DLGAP2: variants seen among roughly 807,000 people sequenced by gnomAD.
DLGAP2 encodes the protein disks large-associated protein 2.
A neutral mutation model predicts 100.3 loss-of-function variants in DLGAP2; 26 were observed. The observed-to-expected ratio is 0.26, with a 90% CI of 0.19 to 0.36. The LOEUF is 0.36. Among genes scored for constraint, DLGAP2 ranks in the 10% least tolerant of loss-of-function variants. DLGAP2 has a pLI of 1.00. For synonymous variants in DLGAP2, 886 were observed against 630.1 expected (o/e 1.41, Z -6.08); for missense variants, 1,858 against 1,453.2 (o/e 1.28, Z -4.53).
At chr8:1,636,228 G>C (rs770256139) in intron 8 of DLGAP2, among the ~76,000 whole-genome samples, 2 of 152,138 alleles carry the variant, frequency 1.3e-5, no homozygotes, top group East Asian at 3.9e-4. Context: ...AAGGAAAATG[G>C]TGTAAAATTA....
chr8:946,482 C>G (rs1799327907), intron 2 of DLGAP2, among the ~76,000 whole-genome samples: 1 of 152,084 alleles, frequency 6.6e-6, no homozygotes, highest in South Asian at 2.1e-4. Context: ...CCAGGATGGT[C>G]TCGATCTCCT....
At chr8:1,253,777 T>A (rs974085093) in intron 2 of DLGAP2, among the ~76,000 whole-genome samples, 2 of 152,222 alleles carry the variant, frequency 1.3e-5, no homozygotes, top group Non-Finnish European at 2.9e-5. Context: ...TGATGATGAA[T>A]CCACAGTGTA....
At chr8:739,174 T>C (rs1261792154) in intron 1 of DLGAP2, 1 of 152,164 alleles carries the variant, frequency 6.6e-6, no homozygotes, top group Non-Finnish European at 1.5e-5. Context: ...GAACTGTAAA[T>C]ATTCTCCAAA....
At position 1,626,815 on chromosome 8, in the gene DLGAP2, G is replaced by C; in HGVS notation, c.1518G>C (p.Pro506=). The C allele has an allele frequency of 1.2e-6, 2 of 1,605,276 alleles. No homozygotes were observed. The highest frequency in any genetic ancestry group is 1.1e-5 in the South Asian group (1 of 88,594). Residue 506 remains proline (P), a synonymous_variant, in exon 7 of 15, where the codon CCG becomes CCC. Coordinates refer to ENST00000637795, the MANE Select transcript of DLGAP2 (RefSeq NM_001346810.2). ...ACCCCGCTGCGAACTACAACTCCCCGAAATTCCGCTCCCGGAACCAGAGCT... is the reference window on the plus strand; with the variant it reads ...ACCCCGCTGCGAACTACAACTCCCCCAAATTCCGCTCCCGGAACCAGAGCT... ...SLDPAANYNS[P]KFRSRNQSYM...
In DLGAP2 at chr8:1,026,630, A is replaced by G. The variant is rs116946640; in HGVS notation, c.73+118664A>G. 3.7e-4 allele frequency among the ~76,000 whole-genome samples: 56 copies of G among 152,372 alleles called. No individual in the cohort carries two copies. The East Asian group carries it at 0.011, about 29-fold the overall frequency. On this transcript the variant is annotated intron_variant, in intron 2 of 14. Coordinates refer to ENST00000637795, the MANE Select transcript of DLGAP2 (RefSeq NM_001346810.2). The stretch of plus-strand genomic sequence containing the variant: ...GGAAACTGACAAAATTCACAATAAT[A>G]GATGACAAGAAGTTATATTACTCTG...
At chr8:1,619,354 A>G (rs1239054164) in intron 6 of DLGAP2, among the ~76,000 whole-genome samples, 1 of 152,244 alleles carries the variant, frequency 6.6e-6, no homozygotes, top group African/African-American at 2.4e-5. Context: ...TGGAGGCCAC[A>G]GTCAACATCT....
intron 2 of DLGAP2, among the ~76,000 whole-genome samples, chr8:1,213,557 A>T (rs1675097473): frequency 6.6e-6 from 1 of 152,040 alleles, no homozygotes. Context: ...TATTCCTAAG[A>T]TTGCTGGGTA....
chr8:900,139 G>A (rs114071637), intron 1 of DLGAP2, among the ~76,000 whole-genome samples: 2,219 of 152,112 alleles, frequency 0.015, 55 homozygotes, highest in African/African-American at 0.05. Context: ...CTGGGTGGAC[G>A]GTGGTGCCCT....
intron 3 of DLGAP2, among the ~76,000 whole-genome samples, chr8:1,348,204 G>A (rs1303513249): frequency 6.6e-6 from 1 of 150,578 alleles, no homozygotes; most frequent in Non-Finnish European, 1.5e-5. Flanking sequence ...ACATAGAGCT[G>A]CATTGCACTC....
chr8:815,307 G>A (rs1309799573), intron 1 of DLGAP2, among the ~76,000 whole-genome samples: 8 of 152,172 alleles, frequency 5.3e-5, no homozygotes, highest in African/African-American at 1.4e-4. Context: ...CTCACTTGGC[G>A]GAGGAGCAGA....
chr8:1,047,039 TG>T (rs1270848996), intron 2 of DLGAP2, among the ~76,000 whole-genome samples: 1 of 152,156 alleles, frequency 6.6e-6, no homozygotes, highest in Non-Finnish European at 1.5e-5. Context: ...AAACATTCAG[TG>T]GTTTTAATAT....
At position 1,024,856 on chromosome 8, in the gene DLGAP2, A is replaced by G. The variant is rs536448533; in HGVS notation, c.73+116890A>G. Among the ~76,000 whole-genome samples, 15 of 152,260 alleles carry G rather than the reference A, an allele frequency of 9.9e-5. No individual in the cohort carries two copies. In the East Asian group the frequency reaches 2.9e-3, roughly 29 times the overall value. ...TTTTGAAGAACCGAGATGTGACTCC[A>G]TTTCCCAACTGCAGCCCTTGATCCT... On this transcript the variant is annotated intron_variant, in intron 2 of 14. Coordinates refer to ENST00000637795, the MANE Select transcript of DLGAP2 (RefSeq NM_001346810.2).
At chr8:1,490,980 A>C (rs1436520762) in intron 3 of DLGAP2, among the ~76,000 whole-genome samples, 1 of 149,948 alleles carries the variant, frequency 6.7e-6, no homozygotes, top group Non-Finnish European at 1.5e-5. Flanking sequence ...CATATGTAAC[A>C]AACCTGCACA....
intron 2 of DLGAP2, among the ~76,000 whole-genome samples, chr8:999,054 C>T (rs932385701): frequency 1.3e-4 from 20 of 152,174 alleles, no homozygotes; most frequent in Non-Finnish European, 2.8e-4. Flanking sequence ...CTTCTTCCTC[C>T]ATGCTGTGCC....
At chr8:1,040,042 G>A (rs34661642) in intron 2 of DLGAP2, among the ~76,000 whole-genome samples, 18,741 of 142,018 alleles carry the variant, frequency 0.13, 666 homozygotes, top group Non-Finnish European at 0.2. Context: ...CGGTGTGCAT[G>A]GTCGGCTCGG....
intron 4 of DLGAP2, among the ~76,000 whole-genome samples, chr8:1,548,325 G>GGT (rs1801614480): frequency 1.3e-5 from 2 of 151,114 alleles, no homozygotes; most frequent in Non-Finnish European, 3.0e-5. Context: ...CGGGCGTGGT[G>GGT]GCAGGCGCCT....
chr8:1,689,833 C>A (rs527982099), intron 12 of DLGAP2, among the ~76,000 whole-genome samples: 36 of 152,308 alleles, frequency 2.4e-4, no homozygotes, highest in African/African-American at 7.9e-4. Context: ...CCTGGCCCCA[C>A]GTGCTGACCC....
Position 874,823 on chromosome 8 carries a change from G to A in DLGAP2, c.19-33089G>A, listed in dbSNP as rs139686550. Among the ~76,000 whole-genome samples, 14 of 152,102 alleles carry A rather than the reference G, an allele frequency of 9.2e-5. 1 individual carries two copies. The East Asian group carries it at 1.7e-3, about 19-fold the overall frequency. On this transcript the variant is annotated intron_variant, in intron 1 of 14. Coordinates refer to ENST00000637795, the MANE Select transcript of DLGAP2 (RefSeq NM_001346810.2). ...TTAAGAGTGTGGTATTAAAGTCTTC[G>A]GCTATTGTTGAACTTGTGTCTTCAT...
chr8:1,182,384 C>A (rs1273524282), intron 2 of DLGAP2, among the ~76,000 whole-genome samples: 1 of 152,244 alleles, frequency 6.6e-6, no homozygotes, highest in Non-Finnish European at 1.5e-5. Context: ...GCCCTTGTGA[C>A]CCCAACAGAA....
Sources: gnomAD v4.1 joint callset for allele counts (sites outside exome capture counted in the v4.1 genomes callset) on GRCh38, gnomAD v4.1.1 for gene constraint, MANE v1.5 for transcripts, NCBI Gene and HGNC (gene_info 2026-07-23, HGNC 2026-07-21) for gene names.